Variants in USH2A observed in about 807,000 individuals in gnomAD.
USH2A encodes the protein usherin.
In USH2A, 443 loss-of-function variants were observed where a neutral mutation model predicts 538.9. That is an observed-to-expected ratio of 0.82 (90% confidence interval 0.76 to 0.89). The LOEUF is 0.89. USH2A is among the 40% of genes least tolerant of loss of function. USH2A has a pLI of 0.00. For missense variants in USH2A, 6,633 were observed against 6,324.8 expected (o/e 1.05, Z -1.65); for synonymous variants, 2,413 against 2,273.5 (o/e 1.06, Z -1.75).
chr1:216,034,961 A>G (rs910883576), intron 32 of USH2A, among the ~76,000 whole-genome samples: 1 of 152,200 alleles, frequency 6.6e-6, no homozygotes, highest in Non-Finnish European at 1.5e-5. Context: ...GAAGTAAGAG[A>G]TGTGATTGTG....
chr1:216,009,289 C>T (rs1668486447), intron 32 of USH2A, among the ~76,000 whole-genome samples: 1 of 152,070 alleles, frequency 6.6e-6, no homozygotes, highest in African/African-American at 2.4e-5. Context: ...CCTTCTTCTC[C>T]CTTAGCCTGT....
intron 44 of USH2A, among the ~76,000 whole-genome samples, chr1:215,860,658 A>G (rs1364895954): frequency 6.6e-6 from 1 of 152,210 alleles, no homozygotes; most frequent in East Asian, 1.9e-4. Context: ...TTGAGTTAAG[A>G]CAGAGACTGT....
chr1:215,728,154 A>G lies in USH2A; in HGVS notation c.11942T>C (p.Val3981Ala). Residue 3981 changes from valine (V) to alanine (A), a missense_variant, in exon 61 of 72, where the codon GTT becomes GCT. Coordinates refer to ENST00000307340, the MANE Select transcript of USH2A (RefSeq NM_206933.4). Reference protein sequence around the residue: ...PWAQATSAHSVLLNWTKPESP... With the variant: ...PWAQATSAHSALLNWTKPESP... ...TTCTGGCTTTGTCCAATTCAACAGA[A>G]CTGAATGAGCACTCGTGGCTTGAGC... The G allele has an allele frequency of 6.2e-7, 1 of 1,614,172 alleles. No homozygotes were observed. Among genetic ancestry groups the G allele is most frequent in the Non-Finnish European group, 8.5e-7 (1 of 1,180,040 alleles).
intron 4 of USH2A, among the ~76,000 whole-genome samples, chr1:216,331,181 T>C (rs1037853879): frequency 9.2e-5 from 14 of 152,118 alleles, no homozygotes; most frequent in African/African-American, 2.7e-4. Flanking sequence ...GAGGTGAGAA[T>C]ACTATCAAAT....
At chr1:215,963,863 C>T (rs536947105) in intron 37 of USH2A, among the ~76,000 whole-genome samples, 1 of 152,122 alleles carries the variant, frequency 6.6e-6, no homozygotes, top group Non-Finnish European at 1.5e-5. Context: ...CTGTGACTGC[C>T]AACCATGAAC....
chr1:216,137,400 G>A (rs759334413), intron 21 of USH2A, among the ~76,000 whole-genome samples: 3 of 152,130 alleles, frequency 2.0e-5, no homozygotes, highest in Non-Finnish European at 4.4e-5. Flanking sequence ...TGAAAAATGA[G>A]GAGGAAGCAA....
At chr1:216,213,068 T>A (rs945702497) in intron 15 of USH2A, among the ~76,000 whole-genome samples, 2 of 152,100 alleles carry the variant, frequency 1.3e-5, no homozygotes, top group Non-Finnish European at 2.9e-5. Flanking sequence ...AAACAGATAA[T>A]GTACAAGTCT....
chr1:216,263,040 A>G (rs553205004), intron 11 of USH2A, among the ~76,000 whole-genome samples: 2 of 152,252 alleles, frequency 1.3e-5, no homozygotes, highest in African/African-American at 4.8e-5. Flanking sequence ...GAAATGGATA[A>G]ATTTGTGGAT....
chr1:216,131,226 TAGATTTTGA>T (rs946310970), intron 21 of USH2A, among the ~76,000 whole-genome samples: 25 of 152,160 alleles, frequency 1.6e-4, no homozygotes, highest in African/African-American at 5.8e-4. Flanking sequence ...GTCAGATGGA[TAGATTTTGA>T]AGATTTTATC....
At chr1:216,337,363 T>C (rs1436982818) in intron 4 of USH2A, among the ~76,000 whole-genome samples, 1 of 151,256 alleles carries the variant, frequency 6.6e-6, no homozygotes, top group African/African-American at 2.4e-5. Flanking sequence ...AAACAGGTCA[T>C]AAATGGGAGA....
intron 32 of USH2A, among the ~76,000 whole-genome samples, chr1:216,044,050 CTG>C (rs1412824564): frequency 4.6e-5 from 7 of 151,962 alleles, no homozygotes; most frequent in African/African-American, 1.5e-4. Flanking sequence ...CATTCCCACT[CTG>C]TGATAGGTCC....
intron 47 of USH2A, among the ~76,000 whole-genome samples, chr1:215,822,878 G>T (rs546538791): frequency 1.5e-4 from 23 of 152,008 alleles, no homozygotes; most frequent in Admixed American, 1.4e-3. Flanking sequence ...TGATCATATG[G>T]TTATTGTACT....
At chr1:215,724,151 T>A (rs1659743011) in intron 61 of USH2A, among the ~76,000 whole-genome samples, 1 of 151,906 alleles carries the variant, frequency 6.6e-6, no homozygotes, top group Admixed American at 6.6e-5. Flanking sequence ...ACTTTCCATA[T>A]TTACTAAATA....
At chr1:215,683,399 G>T (rs1448150859) in intron 61 of USH2A, among the ~76,000 whole-genome samples, 1 of 152,028 alleles carries the variant, frequency 6.6e-6, no homozygotes, top group African/African-American at 2.4e-5. Context: ...ATTCTTTGAC[G>T]TTTTAGGAAA....
At chr1:216,014,595 A>G (rs1232273380) in intron 32 of USH2A, among the ~76,000 whole-genome samples, 1 of 152,224 alleles carries the variant, frequency 6.6e-6, no homozygotes, top group Admixed American at 6.5e-5. Context: ...CACTGTTTGT[A>G]AGAGCCCCTG....
intron 32 of USH2A, among the ~76,000 whole-genome samples, chr1:216,004,305 A>G (rs1039078265): frequency 5.3e-5 from 8 of 152,176 alleles, no homozygotes; most frequent in Non-Finnish European, 8.8e-5. Flanking sequence ...TATAAAAGAG[A>G]AAACCCTGGG....
intron 11 of USH2A, among the ~76,000 whole-genome samples, chr1:216,282,072 A>G (rs1203257396): frequency 2.0e-5 from 3 of 151,804 alleles, no homozygotes; most frequent in Admixed American, 6.6e-5. Context: ...TTGATTATTC[A>G]CTTCAAGTTC....
intron 14 of USH2A, among the ~76,000 whole-genome samples, chr1:216,221,624 T>C (rs1015037341): frequency 6.6e-6 from 1 of 152,172 alleles, no homozygotes; most frequent in Non-Finnish European, 1.5e-5. Context: ...CAGGCACAAA[T>C]AGAGAAACTC....
chr1:215,890,016 G>A (rs1665168894), intron 40 of USH2A, among the ~76,000 whole-genome samples: 1 of 152,060 alleles, frequency 6.6e-6, no homozygotes, highest in African/African-American at 2.4e-5. Flanking sequence ...TTATTATATT[G>A]AGGCTTTACT....
Sources: gnomAD v4.1 joint callset for allele counts (sites outside exome capture counted in the v4.1 genomes callset) on GRCh38, gnomAD v4.1.1 for gene constraint, MANE v1.5 for transcripts, NCBI Gene and HGNC (gene_info 2026-07-23, HGNC 2026-07-21) for gene names.